MYLIP: variants seen among roughly 807,000 people sequenced by gnomAD.
MYLIP encodes E3 ubiquitin-protein ligase MYLIP.
A neutral mutation model predicts 45.8 loss-of-function variants in MYLIP; 26 were observed. The ratio of observed to expected loss-of-function variants is 0.57; its 90% CI spans 0.42 to 0.79. The LOEUF is 0.79. Among genes scored for constraint, MYLIP ranks in the 30% least tolerant of loss-of-function variants. The pLI is 0.00. For synonymous variants in MYLIP, 213 were observed against 218.1 expected (o/e 0.98, Z 0.21); for missense variants, 494 against 555.6 (o/e 0.89, Z 1.11).
At chr6:16,144,853 C>G (rs765648519) in intron 5 of MYLIP, 44 bp from the exon 6 acceptor site, 1 of 1,569,222 alleles carries the variant, frequency 6.4e-7, no homozygotes, top group African/African-American at 1.4e-5. Context: ...AGGGTGCTGC[C>G]AGGCTCTTTG....
chr6:16,130,890 T>C, intron 2 of MYLIP, 143 bp downstream of exon 2: 1 of 773,774 alleles, frequency 1.3e-6, no homozygotes, highest in Non-Finnish European at 2.0e-6. Context: ...TGCAGGTCCT[T>C]TTGTTGAGGT....
the MYLIP span, among the ~76,000 whole-genome samples, chr6:16,157,972 T>C: frequency 6.6e-6 from 1 of 152,138 alleles, no homozygotes; most frequent in Non-Finnish European, 1.5e-5. Context: ...TCAGCAGGAG[T>C]GTTTTATTGG....
intron 1 of MYLIP, 41 bp from the exon 2 acceptor site, chr6:16,130,516 G>A: frequency 2.5e-6 from 4 of 1,595,492 alleles, no homozygotes; most frequent in Non-Finnish European, 3.4e-6. Context: ...GCTTTGATAC[G>A]TACCATTTGC....
chr6:16,135,752 T>C (rs1246605468), intron 2 of MYLIP, among the ~76,000 whole-genome samples: 1 of 103,904 alleles, frequency 9.6e-6, no homozygotes, highest in African/African-American at 4.1e-5. Flanking sequence ...TGTATACATA[T>C]ATCTATATAT....
chr6:16,132,527 A>C (rs762090699), intron 2 of MYLIP, among the ~76,000 whole-genome samples: 1 of 152,214 alleles, frequency 6.6e-6, no homozygotes, highest in African/African-American at 2.4e-5. Context: ...GGAAAAGTTA[A>C]GTGTGACCTT....
At chr6:16,160,061 G>A in the MYLIP span, among the ~76,000 whole-genome samples, 33 of 152,192 alleles carry the variant, frequency 2.2e-4, no homozygotes, top group Non-Finnish European at 4.6e-4. Flanking sequence ...TCATACAAAC[G>A]TGTAAGAACA....
the MYLIP span, among the ~76,000 whole-genome samples, chr6:16,158,109 C>T: frequency 6.6e-6 from 1 of 152,164 alleles, no homozygotes; most frequent in Non-Finnish European, 1.5e-5. Flanking sequence ...AAAGAGCCTA[C>T]GGATTATCGC....
chr6:16,146,760 G>A lies in MYLIP; in HGVS notation c.*9G>A, dbSNP rs1159681409. The A allele has an allele frequency of 1.9e-6, 3 of 1,590,518 alleles. No homozygotes were observed. Among genetic ancestry groups the A allele is most frequent in the Admixed American group, 1.7e-5 (1 of 58,738 alleles). On this transcript the variant is annotated 3_prime_UTR_variant, in exon 7 of 7. Coordinates refer to ENST00000356840, the MANE Select transcript of MYLIP (RefSeq NM_013262.4). ...ATCTGACTGTAATCTAATCTGTTGT[G>A]CTTTTGTTGGACTTGGCATGTTTCC...
At chr6:16,131,557 AG>A (rs1759460697) in intron 2 of MYLIP, among the ~76,000 whole-genome samples, 1 of 152,242 alleles carries the variant, frequency 6.6e-6, no homozygotes, top group Non-Finnish European at 1.5e-5. Context: ...TCAATCTTAC[AG>A]TGGCATATCA....
intron 5 of MYLIP, among the ~76,000 whole-genome samples, chr6:16,144,689 C>A (rs2072780): frequency 2.0e-5 from 3 of 151,956 alleles, no homozygotes; most frequent in Admixed American, 6.6e-5. Flanking sequence ...TACTGCTTTA[C>A]GGAAGCCATA....
Position 16,129,923 on chromosome 6 carries a change from G to A in MYLIP, c.87+514G>A, listed in dbSNP as rs1759423559. ...ATGCACCGTTCACCTGCATCTCCGG[G>A]TTTGCGGGGGACGGGAGGAATAGGT... is the stretch of plus-strand genomic sequence containing the variant. On this transcript the variant is annotated intron_variant, in intron 1 of 6. Coordinates refer to ENST00000356840, the MANE Select transcript of MYLIP (RefSeq NM_013262.4). The surrounding 1 kb of genome is among the most constrained non-coding windows in gnomAD (Gnocchi z 5.1). 6.6e-6 allele frequency among the ~76,000 whole-genome samples: 1 copy of A among 152,248 alleles called. No individual in the cohort carries two copies. Among genetic ancestry groups the A allele is most frequent in the South Asian group, 2.1e-4 (1 of 4,834 alleles).
chr6:16,144,033 T>C (rs887385455), intron 5 of MYLIP, among the ~76,000 whole-genome samples, 170 bp downstream of exon 5: 1 of 152,048 alleles, frequency 6.6e-6, no homozygotes, highest in African/African-American at 2.4e-5. Context: ...ATTAATGTAG[T>C]CTTGTTTTAC....
At chr6:16,146,429 A>G (rs1173406857) in intron 6 of MYLIP, among the ~76,000 whole-genome samples, 2 of 152,244 alleles carry the variant, frequency 1.3e-5, no homozygotes, top group Admixed American at 6.5e-5. Flanking sequence ...TAAAAATGTA[A>G]TTAATTTCCT....
At chr6:16,131,015 A>G (rs1759446494) in intron 2 of MYLIP, among the ~76,000 whole-genome samples, 1 of 136,802 alleles carries the variant, frequency 7.3e-6, no homozygotes, top group Non-Finnish European at 1.5e-5. Context: ...CACTTGAGAT[A>G]AGTGCTACCC....
Position 16,129,455 on chromosome 6 carries a change from C to T in MYLIP, c.87+46C>T, listed in dbSNP as rs755851987. 3.3e-6 allele frequency: 5 copies of T among 1,532,206 alleles called. No individual in the cohort carries two copies. The highest frequency in any genetic ancestry group is 2.4e-5 in the East Asian group (1 of 40,848). The allele number at this position is 1,532,206 out of a possible 1,614,324, so 94.9% of individuals were successfully genotyped here. ...GGGGCCCCGGCGGGTCCCGCGAGGC[C>T]GAGGGGCCTCGCAGCGACGCCTGGC... On this transcript the variant is annotated intron_variant, in intron 1 of 6. Coordinates refer to ENST00000356840, the MANE Select transcript of MYLIP (RefSeq NM_013262.4). This position sits in a 1 kb window ranked among gnomAD's most constrained non-coding sequence, Gnocchi z 5.1.
At chr6:16,149,671 G>A (rs1045301832), downstream of MYLIP, among the ~76,000 whole-genome samples, 16 of 152,188 alleles carry the variant, frequency 1.1e-4, no homozygotes, top group Admixed American at 2.0e-4. Context: ...CTTTTGGGAC[G>A]GGGTAGCAAT....
intron 2 of MYLIP, among the ~76,000 whole-genome samples, chr6:16,140,124 G>C (rs1759638048): frequency 6.6e-6 from 1 of 152,166 alleles, no homozygotes; most frequent in Non-Finnish European, 1.5e-5. Flanking sequence ...CAGTGCTGAG[G>C]ACATCGCACC....
downstream of MYLIP, among the ~76,000 whole-genome samples, chr6:16,151,226 G>T (rs1218991517): frequency 6.6e-6 from 1 of 151,868 alleles, no homozygotes; most frequent in Admixed American, 6.6e-5. Flanking sequence ...GCACGGTAGC[G>T]GGTGCCTGCA....
At chr6:16,158,729 G>A in the MYLIP span, among the ~76,000 whole-genome samples, 2,596 of 152,228 alleles carry the variant, frequency 0.017, 63 homozygotes, top group African/African-American at 0.059. Flanking sequence ...AATTAGCCGC[G>A]CGTGGTGGCG....
Sources: gnomAD v4.1 joint callset for allele counts (sites outside exome capture counted in the v4.1 genomes callset) on GRCh38, gnomAD v4.1.1 for gene constraint, Gnocchi (gnomAD v3.1) non-coding constraint, MANE v1.5 for transcripts, NCBI Gene and HGNC (gene_info 2026-07-23, HGNC 2026-07-21) for gene names.